Variants in FAM227B observed in about 807,000 individuals in gnomAD.
FAM227B encodes the protein family with sequence similarity 227 member B, also known as protein FAM227B.
A neutral mutation model predicts 73.8 loss-of-function variants in FAM227B; 88 were observed. The ratio of observed to expected loss-of-function variants is 1.19; its 90% CI spans 1.00 to 1.42. The LOEUF is 1.42. FAM227B is among the 40% of genes most tolerant of loss of function. The pLI, the probability that FAM227B is intolerant of heterozygous loss-of-function variation, is 0.00. For synonymous variants in FAM227B, 210 were observed against 190.5 expected, an observed-to-expected ratio of 1.10 and a Z score of -0.84; for missense variants, 632 against 590.9, an observed-to-expected ratio of 1.07 and a Z score of -0.72.
At chr15:49,413,092 T>C (rs943685709) in intron 11 of FAM227B, among the ~76,000 whole-genome samples, 1 of 152,090 alleles carries the variant, frequency 6.6e-6, no homozygotes, top group Admixed American at 6.6e-5. Context: ...CTTTGTCTCT[T>C]ACATTGAATA....
intron 11 of FAM227B, chr15:49,396,055 T>G (rs1007869324): frequency 5.3e-5 from 24 of 450,292 alleles, no homozygotes; most frequent in African/African-American, 1.6e-4. Context: ...ACGCAGAAGA[T>G]GGTGATTTCT....
intron 11 of FAM227B, among the ~76,000 whole-genome samples, chr15:49,403,525 T>G (rs1360453966): frequency 1.3e-5 from 2 of 152,186 alleles, no homozygotes; most frequent in African/African-American, 4.8e-5. Context: ...ATCCATTCCT[T>G]CTAGATTTTC....
At position 49,576,774 on chromosome 15, in the gene FAM227B, A is replaced by C; in HGVS notation, c.513T>G (p.Ile171Met). 6.2e-7 allele frequency: 1 copy of C among 1,609,372 alleles called. No homozygotes were observed. Among genetic ancestry groups the C allele is most frequent in the Non-Finnish European group, 8.5e-7 (1 of 1,176,198 alleles). The change falls in exon 7 of 16, where the codon ATT (isoleucine) becomes ATG (methionine). Residue 171 changes from isoleucine (I) to methionine (M), a missense_variant. Transcript: ENST00000299338. ...TATGGGCTTTTAAAATAAAAAGATA[A>C]ATTTGTTCAGCATCCAAATGTCTGG... ...QLPRHLDAEQIYLFILKAHNF... is the reference protein window; with the variant it reads ...QLPRHLDAEQMYLFILKAHNF...
intron 13 of FAM227B, among the ~76,000 whole-genome samples, chr15:49,351,856 G>T (rs1275238094): frequency 6.6e-6 from 1 of 152,310 alleles, no homozygotes; most frequent in Admixed American, 6.5e-5. Context: ...GTGGATGTGG[G>T]CTAGCTTGGG....
At chr15:49,378,591 T>C (rs2046321077) in intron 11 of FAM227B, among the ~76,000 whole-genome samples, 1 of 152,160 alleles carries the variant, frequency 6.6e-6, no homozygotes, top group South Asian at 2.1e-4. Flanking sequence ...ACTTTTAAGA[T>C]TTCTTATTCA....
At chr15:49,465,345 C>T (rs555709096) in intron 11 of FAM227B, among the ~76,000 whole-genome samples, 1 of 150,320 alleles carries the variant, frequency 6.7e-6, no homozygotes, top group Admixed American at 6.7e-5. Context: ...ACCATGTTGG[C>T]CAGGCTGCTC....
chr15:49,344,107 C>T (rs2041126486), intron 13 of FAM227B: 1 of 152,084 alleles, frequency 6.6e-6, no homozygotes, highest in African/African-American at 2.4e-5. Flanking sequence ...GCAGCGAAAA[C>T]TAAACCTTAT....
intron 11 of FAM227B, among the ~76,000 whole-genome samples, chr15:49,478,133 G>A (rs2055534526): frequency 6.6e-6 from 1 of 152,048 alleles, no homozygotes; most frequent in Admixed American, 6.6e-5. Context: ...TAAGTACCCA[G>A]TGTTTAGCTC....
chr15:49,344,362 G>A (rs1158206610), intron 13 of FAM227B: 1 of 152,084 alleles, frequency 6.6e-6, no homozygotes, highest in African/African-American at 2.4e-5. Flanking sequence ...ATGCATTCAA[G>A]TTTTATAATA....
intron 11 of FAM227B, among the ~76,000 whole-genome samples, chr15:49,461,882 G>A (rs977249753): frequency 1.6e-4 from 24 of 152,162 alleles, no homozygotes; most frequent in African/African-American, 5.3e-4. Flanking sequence ...ATAGCTTTAA[G>A]ACTGATTATT....
chr15:49,455,372 T>C (rs1038773594), intron 11 of FAM227B, among the ~76,000 whole-genome samples: 1 of 152,238 alleles, frequency 6.6e-6, no homozygotes, highest in Non-Finnish European at 1.5e-5. Flanking sequence ...GAATATCTAC[T>C]TCATGATGAA....
intron 11 of FAM227B, among the ~76,000 whole-genome samples, chr15:49,473,027 G>T (rs1317298842): frequency 1.3e-5 from 2 of 152,066 alleles, no homozygotes; most frequent in Non-Finnish European, 2.9e-5. Context: ...ATTGTATGTG[G>T]ACCACTCATG....
chr15:49,440,083 C>A (rs1853237782), intron 11 of FAM227B, among the ~76,000 whole-genome samples: 1 of 151,754 alleles, frequency 6.6e-6, no homozygotes, highest in Non-Finnish European at 1.5e-5. Context: ...GGAACTGAGT[C>A]ACGAAAAGAT....
rs373240061 is a variant in FAM227B at position 49,424,842 on chromosome 15, A to G, written c.1013-53443T>C. The G allele has an allele frequency of 8.0e-5, 21 of 263,358 alleles. No individual in the cohort carries two copies. The East Asian group carries it at 1.3e-3, about 16-fold the overall frequency. 16.3% of individuals were successfully genotyped at this position (263,358 alleles called of 1,614,324 possible). A position where few individuals can be genotyped will look rare whatever the true frequency, so the allele number is the denominator to read the frequency against. ...TATACTCCTTGTCCTGAAAATGCTCATAAGTTAAGCAAAATGTAAATAATA... is the reference window on the plus strand; with the variant it reads ...TATACTCCTTGTCCTGAAAATGCTCGTAAGTTAAGCAAAATGTAAATAATA... On this transcript the variant is annotated intron_variant, in intron 11 of 15. Coordinates refer to ENST00000299338, the MANE Select transcript of FAM227B (RefSeq NM_152647.3).
intron 11 of FAM227B, among the ~76,000 whole-genome samples, chr15:49,431,858 A>C (rs2050651252): frequency 6.6e-6 from 1 of 151,762 alleles, no homozygotes; most frequent in Non-Finnish European, 1.5e-5. Flanking sequence ...ATGGAATGAC[A>C]AGATAGTAGA....
chr15:49,328,288 A>AT lies in FAM227B; in HGVS notation c.*279dup. ...AACGGTTGCTATTATATCAAGATAT[A>AT]TTTTCAAAGAAATGGTTGAAAGCTC... is the stretch of plus-strand genomic sequence containing the variant. On this transcript the variant is annotated 3_prime_UTR_variant, in exon 16 of 16. Coordinates refer to ENST00000299338, the MANE Select transcript of FAM227B (RefSeq NM_152647.3). 3 of 1,439,722 alleles carry AT rather than the reference A, an allele frequency of 2.1e-6. No homozygotes were observed. The highest frequency in any genetic ancestry group is 2.7e-6 in the Non-Finnish European group (3 of 1,099,014). The allele number at this position is 1,439,722 out of a possible 1,614,324, so 89.2% of individuals were successfully genotyped here.
chr15:49,444,777 A>G (rs932474867), intron 11 of FAM227B, among the ~76,000 whole-genome samples: 2 of 151,716 alleles, frequency 1.3e-5, no homozygotes, highest in African/African-American at 2.4e-5. Flanking sequence ...GCATGAATCT[A>G]TCATTCAAGA....
At chr15:49,366,562 G>A (rs1307438446) in intron 13 of FAM227B, 17 of 1,593,980 alleles carry the variant, frequency 1.1e-5, no homozygotes, top group Non-Finnish European at 1.4e-5. Context: ...AAAGCATGCA[G>A]TAGTCCTTGG....
At chr15:49,329,599 T>C in intron 15 of FAM227B, 1 of 984,652 alleles carries the variant, frequency 1.0e-6, no homozygotes, top group South Asian at 4.7e-5. Context: ...AAAAATAAAC[T>C]TCTGATGCAT....
Sources: allele counts gnomAD v4.1 joint callset (sites outside exome capture counted in the v4.1 genomes callset), GRCh38; gene constraint gnomAD v4.1.1; transcripts MANE v1.5; gene names NCBI Gene and HGNC (gene_info 2026-07-23, HGNC 2026-07-21).